The following RHBDD1 variants were observed in gnomAD, a reference collection of about 807,000 sequenced individuals.
The protein encoded by RHBDD1 is rhomboid domain containing 1, also known as rhomboid-related protein 4.
In RHBDD1, 38 loss-of-function variants were observed where a neutral mutation model predicts 36.3. That is an observed-to-expected ratio of 1.05 (90% CI 0.81 to 1.37). The LOEUF is 1.37. RHBDD1 is among the 40% of genes most tolerant of loss of function. RHBDD1 has a pLI of 0.00. For synonymous variants in RHBDD1, 151 were observed against 136.5 expected, an observed-to-expected ratio of 1.11 and a Z score of -0.74; for missense variants, 393 against 377.6, an observed-to-expected ratio of 1.04 and a Z score of -0.34.
chr2:226,969,580 G>T (rs973175703), intron 8 of RHBDD1, among the ~76,000 whole-genome samples: 1 of 151,978 alleles, frequency 6.6e-6, no homozygotes, highest in Non-Finnish European at 1.5e-5. Flanking sequence ...AATTGACTCC[G>T]TCACCAAAGA....
At chr2:226,886,238 C>A (rs894277769) in intron 5 of RHBDD1, among the ~76,000 whole-genome samples, 8 of 152,138 alleles carry the variant, frequency 5.3e-5, no homozygotes, top group African/African-American at 1.9e-4. Context: ...CTCAGTGACT[C>A]AAACAGTGCT....
chr2:226,802,141 A>G, the RHBDD1 span, among the ~76,000 whole-genome samples: 21,324 of 152,116 alleles, frequency 0.14, 1,664 homozygotes, highest in South Asian at 0.24. Flanking sequence ...AATTATCTTC[A>G]TAGGAAGGAT....
At chr2:226,874,690 T>C (rs1465108569) in intron 5 of RHBDD1, among the ~76,000 whole-genome samples, 1 of 152,224 alleles carries the variant, frequency 6.6e-6, no homozygotes, top group Non-Finnish European at 1.5e-5. Flanking sequence ...GGATGATCTC[T>C]GTACCTCAAG....
chr2:226,827,112 C>T, the RHBDD1 span, among the ~76,000 whole-genome samples: 1 of 152,084 alleles, frequency 6.6e-6, no homozygotes, highest in African/African-American at 2.4e-5. Context: ...TGCATACCAC[C>T]ATGTCAGGCT....
Position 226,995,520 on chromosome 2 carries a change from T to C in RHBDD1, c.946T>C (p.Ter316ArgextTer12). ...GCGGCTTCACAGATTCGATAGCCAGTGAGGTGGCATCTTGGGAAGACATGG... is the reference window on the plus strand; with the variant it reads ...GCGGCTTCACAGATTCGATAGCCAGCGAGGTGGCATCTTGGGAAGACATGG... ...RQRLHRFDSQ* is the reference protein window; with the variant it reads ...RQRLHRFDSQR The change falls in exon 9 of 9, where the codon TGA becomes CGA. Residue 316 changes from the stop codon to arginine, a stop_lost. Coordinates refer to ENST00000392062, the MANE Select transcript of RHBDD1 (RefSeq NM_001167608.3). 6.2e-7 allele frequency: 1 copy of C among 1,604,868 alleles called. No homozygotes were observed. Among genetic ancestry groups the C allele is most frequent in the Non-Finnish European group, 8.5e-7 (1 of 1,173,074 alleles).
chr2:226,916,256 T>C (rs544498968), intron 8 of RHBDD1, among the ~76,000 whole-genome samples: 1 of 152,244 alleles, frequency 6.6e-6, no homozygotes, highest in Admixed American at 6.5e-5. Flanking sequence ...TGGTTATGGA[T>C]AGAGGGAGAG....
At position 226,864,642 on chromosome 2, in the gene RHBDD1, G is replaced by C. The variant is rs1944165191; in HGVS notation, c.-52G>C. 6.8e-7 allele frequency: 1 copy of C among 1,480,650 alleles called. No individual in the cohort carries two copies. Among genetic ancestry groups the C allele is most frequent in the African/African-American group, 1.4e-5 (1 of 72,108 alleles). 91.7% of individuals were successfully genotyped at this position (1,480,650 alleles called of 1,614,324 possible). A position where few individuals can be genotyped will look rare whatever the true frequency, so the allele number is the denominator to read the frequency against. On this transcript the variant is annotated 5_prime_UTR_variant, in exon 4 of 9. Transcript: ENST00000392062. ...TATATCTCCCCAGATACCTGAAACT[G>C]ACCACCTGAGTACGTTTTCCCATTG...
At chr2:226,881,202 T>C (rs754294722) in intron 5 of RHBDD1, among the ~76,000 whole-genome samples, 1 of 152,168 alleles carries the variant, frequency 6.6e-6, no homozygotes, top group Non-Finnish European at 1.5e-5. Flanking sequence ...AACAGCCCCA[T>C]GATTCAGTTA....
chr2:226,809,085 G>A, the RHBDD1 span, among the ~76,000 whole-genome samples: 5 of 152,168 alleles, frequency 3.3e-5, no homozygotes, highest in Non-Finnish European at 5.9e-5. Flanking sequence ...AAATGTAAAG[G>A]TTGTCAGCCT....
At chr2:226,902,072 TC>T (rs1247773336) in intron 5 of RHBDD1, among the ~76,000 whole-genome samples, 1 of 152,104 alleles carries the variant, frequency 6.6e-6, no homozygotes, top group Non-Finnish European at 1.5e-5. Flanking sequence ...CATAACCAAA[TC>T]CCCAGTCCTA....
the RHBDD1 span, among the ~76,000 whole-genome samples, chr2:226,801,995 G>A: frequency 1.3e-5 from 2 of 151,812 alleles, no homozygotes; most frequent in East Asian, 3.9e-4. Context: ...TTTTCAAATG[G>A]CCCTGTCCCT....
intron 4 of RHBDD1, among the ~76,000 whole-genome samples, chr2:226,865,957 C>CTATG (rs1944290559): frequency 6.6e-6 from 1 of 152,256 alleles, no homozygotes; most frequent in Non-Finnish European, 1.5e-5. Flanking sequence ...CCACACCCTG[C>CTATG]TATGGCATGC....
At chr2:226,916,987 T>G (rs1408570876) in intron 8 of RHBDD1, among the ~76,000 whole-genome samples, 2 of 152,196 alleles carry the variant, frequency 1.3e-5, no homozygotes, top group Non-Finnish European at 2.9e-5. Flanking sequence ...CTGGTGATTT[T>G]GGAGCAATTT....
rs1335166179 is a variant in RHBDD1, at chr2:226,974,987, G to A, written c.857-20444G>A. 2.6e-5 allele frequency among the ~76,000 whole-genome samples: 4 copies of A among 152,318 alleles called. No individual in the cohort carries two copies. In the East Asian group the frequency reaches 5.8e-4, roughly 22 times the overall value. On this transcript the variant is annotated intron_variant, in intron 8 of 8. Coordinates refer to ENST00000392062, the MANE Select transcript of RHBDD1 (RefSeq NM_001167608.3). ...AGTTCCACTGCTCTGATGGCCACAC[G>A]TGAATCAGCAGCAGTGACTCCTTGG...
intron 8 of RHBDD1, among the ~76,000 whole-genome samples, chr2:226,972,814 G>A (rs2177595): frequency 6.6e-6 from 1 of 151,516 alleles, no homozygotes; most frequent in African/African-American, 2.4e-5. Flanking sequence ...AAATGTTTTG[G>A]TTTCTGTCAG....
At chr2:226,840,634 C>T (rs114876599) in intron 3 of RHBDD1, among the ~76,000 whole-genome samples, 7 of 152,332 alleles carry the variant, frequency 4.6e-5, no homozygotes, top group African/African-American at 1.7e-4. Flanking sequence ...CATACTAGTA[C>T]ATGATGGCCT....
At chr2:226,972,731 G>A (rs1041819092) in intron 8 of RHBDD1, among the ~76,000 whole-genome samples, 1 of 152,104 alleles carries the variant, frequency 6.6e-6, no homozygotes, top group Admixed American at 6.5e-5. Context: ...CTGGTCTCTC[G>A]AGTCCAGGGG....
At position 226,849,754 on chromosome 2, in the gene RHBDD1, A is replaced by G. The variant is rs1049021497; in HGVS notation, c.-91+10127A>G. Among the ~76,000 whole-genome samples the G allele has an allele frequency of 7.9e-5, 12 of 152,156 alleles. 1 individual carries two copies. The highest frequency in any genetic ancestry group is 2.7e-4 in the African/African-American group (11 of 41,416). On this transcript the variant is annotated intron_variant, in intron 3 of 8. Coordinates refer to ENST00000392062, the MANE Select transcript of RHBDD1 (RefSeq NM_001167608.3). ...AATCTGTATCTATATCTATATATCTATATCATCTGTATCTATATCTATATA... is the reference window on the plus strand; with the variant it reads ...AATCTGTATCTATATCTATATATCTGTATCATCTGTATCTATATCTATATA...
chr2:226,851,161 C>T (rs1176823582), intron 3 of RHBDD1, among the ~76,000 whole-genome samples: 2 of 152,004 alleles, frequency 1.3e-5, no homozygotes, highest in Non-Finnish European at 2.9e-5. Context: ...TCAGCCTCTT[C>T]CAGTAAGGAA....
Sources: gnomAD v4.1 joint callset for allele counts (sites outside exome capture counted in the v4.1 genomes callset) on GRCh38, gnomAD v4.1.1 for gene constraint, MANE v1.5 for transcripts, NCBI Gene and HGNC (gene_info 2026-07-23, HGNC 2026-07-21) for gene names.